The following KCNH7 variants were observed in gnomAD, a reference collection of about 807,000 sequenced individuals.
KCNH7 encodes the protein potassium voltage-gated channel subfamily H member 7.
In KCNH7, 49 loss-of-function variants were observed where a neutral mutation model predicts 120.8. The ratio of observed to expected loss-of-function variants is 0.41; its 90% confidence interval spans 0.32 to 0.51. KCNH7 has a LOEUF of 0.51. KCNH7 is among the 20% of genes least tolerant of loss of function. The probability of loss-of-function intolerance (pLI) is 0.38; values close to 1 mark genes in which losing one functional copy is unlikely to be tolerated. For synonymous variants in KCNH7, 547 were observed against 516.1 expected, an observed-to-expected ratio of 1.06 and a Z score of -0.81; for missense variants, 1,097 against 1,446.6, an observed-to-expected ratio of 0.76 and a Z score of 3.92.
intron 2 of KCNH7, among the ~76,000 whole-genome samples, chr2:162,643,908 A>C (rs1350847898): frequency 6.6e-6 from 1 of 152,058 alleles, no homozygotes; most frequent in Non-Finnish European, 1.5e-5. Context: ...CTTTAAAAAT[A>C]GTGACTGACA....
intron 2 of KCNH7, among the ~76,000 whole-genome samples, chr2:162,633,718 T>C (rs1290817863): frequency 1.3e-5 from 2 of 152,030 alleles, no homozygotes; most frequent in Non-Finnish European, 2.9e-5. Flanking sequence ...GCATCCATTT[T>C]ATTCCACATA....
At chr2:162,405,018 AG>A (rs1156409049) in intron 9 of KCNH7, among the ~76,000 whole-genome samples, 2 of 152,072 alleles carry the variant, frequency 1.3e-5, no homozygotes, top group Non-Finnish European at 2.9e-5. Flanking sequence ...GAAATTCTCA[AG>A]GTAAGAATTC....
chr2:162,553,674 G>A (rs1020806062), intron 2 of KCNH7, among the ~76,000 whole-genome samples: 2 of 151,760 alleles, frequency 1.3e-5, no homozygotes, highest in Non-Finnish European at 2.9e-5. Context: ...GAAAAGAAAA[G>A]AAAAAAATGT....
chr2:162,492,865 G>GTTTTTTTTTTTTTTTTTTTTTTTTTT (rs67006443), intron 6 of KCNH7, among the ~76,000 whole-genome samples: 1 of 57,180 alleles, frequency 1.7e-5, no homozygotes, highest in African/African-American at 5.7e-5. Flanking sequence ...CTTGGATCTT[G>GTTTTTTTTTTTTTTTTTTTTTTTTTT]TTTTTTTTTT....
At chr2:162,373,414 G>A in intron 15 of KCNH7, 56 bp downstream of exon 15, 1 of 1,223,884 alleles carries the variant, frequency 8.2e-7, no homozygotes. Flanking sequence ...CTGATTAGGT[G>A]ACCCCTGGAA....
chr2:162,600,744 G>A (rs1161285148), intron 2 of KCNH7, among the ~76,000 whole-genome samples: 1 of 152,108 alleles, frequency 6.6e-6, no homozygotes, highest in Non-Finnish European at 1.5e-5. Context: ...GTTACAGGCT[G>A]TGTCTCTAAC....
Position 162,435,083 on chromosome 2 carries a change from A to G in KCNH7, c.1954+115T>C. ...ATACAGTACCCATATATGTAATCCC[A>G]TTATCTCCTCAATTTTCTGTAATCT... On this transcript the variant is annotated intron_variant, in intron 8 of 15. Coordinates refer to ENST00000332142, the MANE Select transcript of KCNH7 (RefSeq NM_033272.4). The G allele has an allele frequency of 5.2e-6, 5 of 970,528 alleles. 1 individual carries two copies. Among genetic ancestry groups the G allele is most frequent in the South Asian group, 3.5e-5 (2 of 57,406 alleles). 60.1% of individuals were successfully genotyped at this position (970,528 alleles called of 1,614,324 possible).
chr2:162,790,817 G>C lies in KCNH7; in HGVS notation c.307+45720C>G, dbSNP rs182245259. On this transcript the variant is annotated intron_variant, in intron 2 of 15. Coordinates refer to ENST00000332142, the MANE Select transcript of KCNH7 (RefSeq NM_033272.4). ...ATAAAAACTCAACAAATTAGATAAA[G>C]AAAAAATGTATTTCAACATTAAAAA... Among the ~76,000 whole-genome samples, 42 of 152,014 alleles carry C rather than the reference G, an allele frequency of 2.8e-4. No individual in the cohort carries two copies. The East Asian group carries it at 7.9e-3, about 29-fold the overall frequency.
chr2:162,522,525 C>A (rs1253053981), intron 3 of KCNH7, among the ~76,000 whole-genome samples: 1 of 151,848 alleles, frequency 6.6e-6, no homozygotes, highest in Non-Finnish European at 1.5e-5. Flanking sequence ...AATGTTAGCA[C>A]TTTCAGGCAT....
chr2:162,712,398 G>GCC (rs1190820663), intron 2 of KCNH7, among the ~76,000 whole-genome samples: 2 of 152,120 alleles, frequency 1.3e-5, no homozygotes, highest in Non-Finnish European at 2.9e-5. Context: ...GGCACTGGCA[G>GCC]AGTGCTCTCC....
intron 2 of KCNH7, among the ~76,000 whole-genome samples, chr2:162,829,245 A>G (rs80016583): frequency 5.9e-5 from 9 of 152,190 alleles, no homozygotes; most frequent in East Asian, 3.8e-4. Flanking sequence ...CTAAATGCAG[A>G]CAGCACAGTA....
chr2:162,517,689 C>G (rs778037811), intron 4 of KCNH7, 41 bp downstream of exon 4: 12 of 1,372,358 alleles, frequency 8.7e-6, no homozygotes, highest in Middle Eastern at 1.9e-4. Flanking sequence ...CATTTATTAC[C>G]CATTAATATA....
intron 6 of KCNH7, among the ~76,000 whole-genome samples, chr2:162,502,983 A>C (rs1275708395): frequency 5.3e-5 from 8 of 152,106 alleles, no homozygotes; most frequent in Admixed American, 5.2e-4. Flanking sequence ...TAAATTCTGC[A>C]TTTCCAGCTT....
chr2:162,440,235 C>A (rs1688378525), intron 7 of KCNH7, among the ~76,000 whole-genome samples: 1 of 151,694 alleles, frequency 6.6e-6, no homozygotes, highest in South Asian at 2.1e-4. Flanking sequence ...TACAATTATT[C>A]TTCTATAAAT....
At chr2:162,629,377 T>G (rs1000847932) in intron 2 of KCNH7, among the ~76,000 whole-genome samples, 2 of 152,038 alleles carry the variant, frequency 1.3e-5, no homozygotes, top group African/African-American at 4.8e-5. Context: ...GAAATGTAAA[T>G]GTAGGGCCTG....
chr2:162,734,686 A>G (rs1248091643), intron 2 of KCNH7, among the ~76,000 whole-genome samples: 1 of 148,618 alleles, frequency 6.7e-6, no homozygotes, highest in Non-Finnish European at 1.5e-5. Context: ...GGCATAAATC[A>G]TTGGAGAGCA....
intron 3 of KCNH7, among the ~76,000 whole-genome samples, chr2:162,520,054 C>A (rs1691465488): frequency 6.6e-6 from 1 of 151,392 alleles, no homozygotes; most frequent in Non-Finnish European, 1.5e-5. Flanking sequence ...TGTTCCAAAC[C>A]TGTATTGTAT....
chr2:162,820,404 C>T (rs1358167191), intron 2 of KCNH7, among the ~76,000 whole-genome samples: 1 of 151,980 alleles, frequency 6.6e-6, no homozygotes, highest in Non-Finnish European at 1.5e-5. Context: ...TGAACAAATA[C>T]AAAATGAAGG....
chr2:162,698,567 C>CTCA (rs1686378875), intron 2 of KCNH7, among the ~76,000 whole-genome samples: 1 of 151,814 alleles, frequency 6.6e-6, no homozygotes, highest in Non-Finnish European at 1.5e-5. Flanking sequence ...CTCTAAGAAT[C>CTCA]AACTGTGTTT....
Sources: allele counts gnomAD v4.1 joint callset (sites outside exome capture counted in the v4.1 genomes callset), GRCh38; gene constraint gnomAD v4.1.1; transcripts MANE v1.5; gene names NCBI Gene and HGNC (gene_info 2026-07-23, HGNC 2026-07-21).